The following PGM5 variants were observed in gnomAD, a reference collection of about 807,000 sequenced individuals.
The protein encoded by PGM5 is phosphoglucomutase 5.
In PGM5, 23 loss-of-function variants were observed where a neutral mutation model predicts 59.2. The ratio of observed to expected loss-of-function variants is 0.39; its 90% CI spans 0.28 to 0.55. PGM5 has a LOEUF of 0.55. PGM5 is among the 20% of genes least tolerant of loss of function. The pLI is 0.66. For synonymous variants in PGM5, 214 were observed against 286.0 expected, an observed-to-expected ratio of 0.75 and a Z score of 2.54; for missense variants, 574 against 748.3, an observed-to-expected ratio of 0.77 and a Z score of 2.72.
At position 68,518,398 on chromosome 9, in the gene PGM5, A is replaced by G. The variant is rs1824853084; in HGVS notation, c.1615-11169A>G. 2.6e-5 allele frequency among the ~76,000 whole-genome samples: 4 copies of G among 152,272 alleles called. No individual in the cohort carries two copies. The South Asian group carries it at 8.3e-4, about 31-fold the overall frequency. ...AAAAGATTATAAAGCACTTGGATAC[A>G]CAAAGCAACACATACCAGAATCAAC... is the stretch of plus-strand genomic sequence containing the variant. On this transcript the variant is annotated intron_variant, in intron 10 of 10. Transcript: ENST00000396396.
intron 10 of PGM5, among the ~76,000 whole-genome samples, chr9:68,500,552 T>G (rs1028124309): frequency 5.9e-5 from 9 of 152,148 alleles, no homozygotes. Flanking sequence ...GATCATAGCC[T>G]TTCCATGCAG....
At chr9:68,394,112 A>G (rs1189336762) in intron 6 of PGM5, 5 of 152,210 alleles carry the variant, frequency 3.3e-5, no homozygotes, top group Non-Finnish European at 5.9e-5. Flanking sequence ...AGGGGTAGGA[A>G]GAAGGCACCG....
intron 6 of PGM5, among the ~76,000 whole-genome samples, chr9:68,436,608 AG>A (rs1823445780): frequency 6.6e-6 from 1 of 152,216 alleles, no homozygotes; most frequent in African/African-American, 2.4e-5. Flanking sequence ...ATGTCTTTGA[AG>A]GCTTGGCCTC....
rs114659876 is a variant in PGM5, at chr9:68,474,631, C to T, written c.1160-4787C>T. Reference sequence around the variant, plus strand: ...GGAGTCATGGCAGAGAAGAGCTGAGCGCCCTCCTTCTGGTATGTGGATGGA... The same window carrying T: ...GGAGTCATGGCAGAGAAGAGCTGAGTGCCCTCCTTCTGGTATGTGGATGGA... On this transcript the variant is annotated intron_variant, in intron 7 of 10. Transcript: ENST00000396396. Among the ~76,000 whole-genome samples the T allele has an allele frequency of 8.2e-3, 1,238 of 151,632 alleles. 19 individuals are homozygous for T. Among genetic ancestry groups the T allele is most frequent in the African/African-American group, 0.028 (1,136 of 41,274 alleles).
chr9:68,502,045 C>A (rs1275016112), intron 10 of PGM5, among the ~76,000 whole-genome samples: 1 of 152,154 alleles, frequency 6.6e-6, no homozygotes, highest in Admixed American at 6.5e-5. Flanking sequence ...ATATCAATTT[C>A]TTATCTACAT....
intron 6 of PGM5, among the ~76,000 whole-genome samples, chr9:68,431,594 T>C (rs935351339): frequency 1.8e-4 from 28 of 152,212 alleles, no homozygotes; most frequent in African/African-American, 6.5e-4. Context: ...CTGAAGGCTG[T>C]GGCAATGGAG....
At chr9:68,430,550 T>C (rs1823327640) in intron 6 of PGM5, among the ~76,000 whole-genome samples, 1 of 152,266 alleles carries the variant, frequency 6.6e-6, no homozygotes, top group Non-Finnish European at 1.5e-5. Flanking sequence ...TCTTTCCTAA[T>C]TTCATCCTAA....
rs265088 is a variant in PGM5, at chr9:68,515,385, G to A, written c.1615-14182G>A. On this transcript the variant is annotated intron_variant, in intron 10 of 10. Transcript: ENST00000396396. ...TCCGTAAGACTCAGGTGGCCCTCAC[G>A]GCAGAAGTTCTCTTCTAGTTTGCTT... Among the ~76,000 whole-genome samples, 602 of 152,232 alleles carry A rather than the reference G, an allele frequency of 4.0e-3. 4 individuals carry two copies. The highest frequency in any genetic ancestry group is 0.014 in the African/African-American group (569 of 41,538).
chr9:68,374,816 A>G (rs1304367333), intron 1 of PGM5, among the ~76,000 whole-genome samples: 1 of 152,268 alleles, frequency 6.6e-6, no homozygotes, highest in Non-Finnish European at 1.5e-5. Flanking sequence ...ATAGCAGTGA[A>G]AAAGAAAACA....
chr9:68,420,413 G>T (rs1032324359), intron 6 of PGM5, among the ~76,000 whole-genome samples: 7 of 152,106 alleles, frequency 4.6e-5, no homozygotes, highest in African/African-American at 1.4e-4. Flanking sequence ...TGTAAAAATG[G>T]CTCCACTGAC....
At chr9:68,358,230 C>G (rs1333086928) in intron 1 of PGM5, among the ~76,000 whole-genome samples, 3 of 152,166 alleles carry the variant, frequency 2.0e-5, no homozygotes, top group African/African-American at 7.2e-5. Flanking sequence ...TGCCTCTTCC[C>G]CTTTCGGTTT....
At chr9:68,486,646 G>A (rs567830301) in intron 9 of PGM5, among the ~76,000 whole-genome samples, 36 of 152,194 alleles carry the variant, frequency 2.4e-4, no homozygotes, top group East Asian at 3.9e-4. Context: ...ATTCTATCAC[G>A]TGGATGTACC....
At chr9:68,460,517 GTCTT>G (rs1258785428) in intron 6 of PGM5, among the ~76,000 whole-genome samples, 1 of 152,094 alleles carries the variant, frequency 6.6e-6, no homozygotes, top group African/African-American at 2.4e-5. Flanking sequence ...TGTAAGAACT[GTCTT>G]TCTAAGATAT....
intron 10 of PGM5, among the ~76,000 whole-genome samples, chr9:68,509,377 G>A (rs902710102): frequency 1.3e-5 from 2 of 152,212 alleles, no homozygotes; most frequent in Admixed American, 6.5e-5. Flanking sequence ...GAGCATTTTT[G>A]TTGGTACAAA....
chr9:68,447,704 CT>C (rs144806756), intron 6 of PGM5, among the ~76,000 whole-genome samples: 1,874 of 152,246 alleles, frequency 0.012, 41 homozygotes, highest in African/African-American at 0.043. Flanking sequence ...ATCCAGCACG[CT>C]TTTTATAAAC....
intron 6 of PGM5, among the ~76,000 whole-genome samples, chr9:68,434,946 G>A (rs148886991): frequency 2.4e-4 from 37 of 152,294 alleles, no homozygotes; most frequent in Non-Finnish European, 4.7e-4. Context: ...TTATCTTAAA[G>A]TCACTCGGAA....
At chr9:68,376,765 ATTTCTTTCTTTC>A (rs71353048) in intron 1 of PGM5, among the ~76,000 whole-genome samples, 5,956 of 96,700 alleles carry the variant, frequency 0.062, 286 homozygotes, top group South Asian at 0.1. Context: ...GAGGTTCTGC[ATTTCTTTCTTTC>A]TTTCTTTCTT....
At chr9:68,434,316 C>CAAAGAA (rs1823407416) in intron 6 of PGM5, among the ~76,000 whole-genome samples, 1 of 90,834 alleles carries the variant, frequency 1.1e-5, no homozygotes, top group South Asian at 4.4e-4. Context: ...GACTCCGTCT[C>CAAAGAA]AAAAAAAAAA....
chr9:68,488,261 C>A (rs1220500710), intron 9 of PGM5, among the ~76,000 whole-genome samples: 1 of 152,160 alleles, frequency 6.6e-6, no homozygotes, highest in Admixed American at 6.5e-5. Context: ...CCCCAGCACA[C>A]ACACTCTGCT....
Sources: allele counts gnomAD v4.1 joint callset (sites outside exome capture counted in the v4.1 genomes callset), GRCh38; gene constraint gnomAD v4.1.1; transcripts MANE v1.5; gene names NCBI Gene and HGNC (gene_info 2026-07-23, HGNC 2026-07-21).